Variants in IQSEC2 observed in about 807,000 individuals in gnomAD.
IQSEC2 encodes the protein IQ motif and Sec7 domain ArfGEF 2, also known as IQ motif and SEC7 domain-containing protein 2.
A neutral mutation model predicts 74.6 loss-of-function variants in IQSEC2; 6 were observed. That is an observed-to-expected ratio of 0.08 (90% CI 0.04 to 0.16). The LOEUF is 0.16. Ranked by LOEUF, IQSEC2 falls within the 10% of genes least tolerant of loss-of-function variation. The pLI, the probability that IQSEC2 is intolerant of heterozygous loss-of-function variation, is 1.00. For synonymous variants in IQSEC2, 494 were observed against 544.5 expected (o/e 0.91, Z 1.29); for missense variants, 734 against 1,306.2 (o/e 0.56, Z 6.75).
In IQSEC2 at chrX:53,294,263, G is replaced by A. The variant is rs185752397; in HGVS notation, c.708-2339C>T. 4.9e-3 allele frequency among the ~76,000 whole-genome samples: 547 copies of A among 112,703 alleles called. 5 individuals carry two copies. Among genetic ancestry groups the A allele is most frequent in the Non-Finnish European group, 8.2e-3 (436 of 53,329 alleles). ...GAGCTCCAAGTCATGATGCAGCGGGGAATTCGCCAATTCTCGCTATGGACT... is the reference window on the plus strand; with the variant it reads ...GAGCTCCAAGTCATGATGCAGCGGGAAATTCGCCAATTCTCGCTATGGACT... On this transcript the variant is annotated intron_variant, in intron 1 of 14. Coordinates refer to ENST00000642864, the MANE Select transcript of IQSEC2 (RefSeq NM_001111125.3).
chrX:53,314,441 A>T (rs2075348797), intron 1 of IQSEC2, among the ~76,000 whole-genome samples: 1 of 111,748 alleles, frequency 8.9e-6, no homozygotes, highest in South Asian at 3.8e-4. Context: ...GTAAACAACC[A>T]TGAAGGAATA....
chrX:53,265,354 C>T (rs1274137900), intron 2 of IQSEC2, among the ~76,000 whole-genome samples: 1 of 110,463 alleles, frequency 9.1e-6, no homozygotes, highest in African/African-American at 3.3e-5. Context: ...CTCACCTGGG[C>T]CTTAATCAAA....
intron 2 of IQSEC2, among the ~76,000 whole-genome samples, chrX:53,288,393 C>A (rs1569326298): frequency 2.9e-5 from 3 of 105,214 alleles, no homozygotes; most frequent in Non-Finnish European, 5.9e-5. Flanking sequence ...TCCCCCACCC[C>A]CTCCCTCCTT....
Position 53,251,096 on chromosome X carries a change from C to A in IQSEC2, c.1480G>T (p.Ala494Ser). Residue 494 changes from alanine (A) to serine (S), a missense_variant, in exon 5 of 15, where the codon GCC becomes TCC. Physicochemically the swap from Ala to Ser is moderately conservative, Grantham distance 99 (BLOSUM62 1). Around this residue, in one of 12 missense-constraint regions of IQSEC2, gnomAD observed 204 missense variants for 305.4 expected, o/e 0.67. Transcript: ENST00000642864. ...SGPMSEEPGS[A>S]QLEKRESKEQ... ...TTTGACTCCCGCTTCTCCAGCTGGG[C>A]TGACCCTGGCTCCTCAGACATGGGC... 8.3e-7 allele frequency: 1 copy of A among 1,212,025 alleles called. No homozygotes were observed.
chrX:53,312,203 T>A (rs1000081651), intron 1 of IQSEC2, among the ~76,000 whole-genome samples: 3 of 111,177 alleles, frequency 2.7e-5, no homozygotes, highest in Non-Finnish European at 5.7e-5. Flanking sequence ...CCACATGCTG[T>A]CCTTCTTCAC....
chrX:53,243,534 TC>T, intron 8 of IQSEC2, 63 bp from the exon 9 acceptor site: 2 of 1,106,908 alleles, frequency 1.8e-6, no homozygotes, highest in Non-Finnish European at 2.4e-6. Flanking sequence ...GTAGGGGTGC[TC>T]CACCACCCCC....
chrX:53,315,912 G>A (rs1366023783), intron 1 of IQSEC2, among the ~76,000 whole-genome samples: 1 of 111,435 alleles, frequency 9.0e-6, no homozygotes, highest in African/African-American at 3.3e-5. Flanking sequence ...CCTCCCAGCT[G>A]CCACCTCCAT....
chrX:53,282,422 T>A (rs375021697), intron 2 of IQSEC2, among the ~76,000 whole-genome samples: 2 of 110,464 alleles, frequency 1.8e-5, no homozygotes, highest in African/African-American at 3.3e-5. Context: ...AAGGAGAGAG[T>A]TTTTTGGCTT....
chrX:53,310,826 TTAAGAAAAG>T (rs1375767031), intron 1 of IQSEC2, among the ~76,000 whole-genome samples: 2 of 109,563 alleles, frequency 1.8e-5, no homozygotes, highest in East Asian at 5.8e-4. Flanking sequence ...AACAGCACAT[TTAAGAAAAG>T]ATGCACTGGG....
At position 53,234,324 on chromosome X, in the gene IQSEC2, G is replaced by A. The variant is rs1556858960; in HGVS notation, c.4362C>T (p.Pro1454=). The change falls in exon 15 of 15, where the codon CCC becomes CCT. Residue 1454 remains proline (P), a synonymous_variant. Transcript: ENST00000642864. ...SPHTPHSPLP[P]TSPHGPLHAS... ...CGTGCAGCGGGCCATGGGGGGAGGT[G>A]GGTGGAAGGGGTGAGTGCGGGGTGT... 4.1e-6 allele frequency: 2 copies of A among 485,712 alleles called. No homozygotes were observed. Among genetic ancestry groups the A allele is most frequent in the East Asian group, 1.0e-4 (2 of 19,938 alleles). 40.0% of individuals were successfully genotyped at this position (485,712 alleles called of 1,213,427 possible).
At chrX:53,312,181 A>G (rs2075328962) in intron 1 of IQSEC2, among the ~76,000 whole-genome samples, 1 of 110,732 alleles carries the variant, frequency 9.0e-6, no homozygotes, top group Non-Finnish European at 1.9e-5. Context: ...TTTGCCCCCA[A>G]TTCCCACCAA....
intron 10 of IQSEC2, among the ~76,000 whole-genome samples, chrX:53,240,333 G>A (rs1304870986): frequency 3.6e-5 from 4 of 112,093 alleles, no homozygotes; most frequent in African/African-American, 1.3e-4. Context: ...CCAGGGTGCT[G>A]CTAAACATCC....
chrX:53,255,554 T>A (rs1556864895), intron 3 of IQSEC2, among the ~76,000 whole-genome samples: 1 of 111,722 alleles, frequency 9.0e-6, no homozygotes, highest in East Asian at 2.8e-4. Context: ...CCAGGACTCA[T>A]TCATCTTTAC....
chrX:53,288,043 T>C (rs1232935250), intron 2 of IQSEC2, among the ~76,000 whole-genome samples: 1 of 110,464 alleles, frequency 9.1e-6, no homozygotes, highest in Non-Finnish European at 1.9e-5. Context: ...TGTGAAGCAG[T>C]AAGTGGCAAG....
chrX:53,250,103 T>A (rs1180040190), intron 5 of IQSEC2, among the ~76,000 whole-genome samples, 176 bp downstream of exon 5: 2 of 111,691 alleles, frequency 1.8e-5, no homozygotes, highest in African/African-American at 6.5e-5. Flanking sequence ...GTTAAGGGAC[T>A]CTCTACTCTG....
chrX:53,320,287 G>T, intron 1 of IQSEC2, 130 bp downstream of exon 1: 1 of 614,629 alleles, frequency 1.6e-6, no homozygotes, highest in Non-Finnish European at 2.5e-6. Context: ...AGGGGGACCT[G>T]GCTTCTCCTG....
chrX:53,272,164 C>T (rs1175861442), intron 2 of IQSEC2, among the ~76,000 whole-genome samples: 1 of 110,702 alleles, frequency 9.0e-6, no homozygotes, highest in African/African-American at 3.3e-5. Flanking sequence ...TGTACCAGCC[C>T]CAGACAGGGC....
intron 1 of IQSEC2, among the ~76,000 whole-genome samples, chrX:53,300,172 G>A: frequency 8.9e-6 from 1 of 111,757 alleles, no homozygotes; most frequent in Non-Finnish European, 1.9e-5. Context: ...TCTCTAAGTA[G>A]AATAGTTTAC....
intron 2 of IQSEC2, among the ~76,000 whole-genome samples, chrX:53,290,056 G>A (rs1028994196): frequency 8.9e-5 from 10 of 111,782 alleles, no homozygotes; most frequent in South Asian, 3.8e-4. Context: ...GAGAGCTCCC[G>A]TGGTGATGGT....
Sources: allele counts gnomAD v4.1 joint callset (sites outside exome capture counted in the v4.1 genomes callset), GRCh38; gene constraint gnomAD v4.1.1; regional missense constraint gnomAD v4.1.1; transcripts MANE v1.5; gene names NCBI Gene and HGNC (gene_info 2026-07-23, HGNC 2026-07-21).